ANKRD44: variants seen among roughly 807,000 people sequenced by gnomAD.
ANKRD44 encodes serine/threonine-protein phosphatase 6 regulatory ankyrin repeat subunit B.
ANKRD44 carries 35 observed loss-of-function variants against 116.0 expected under a neutral mutation model. The observed-to-expected ratio is 0.30, with a 90% CI of 0.23 to 0.40. ANKRD44 has a LOEUF of 0.40. Ranked by LOEUF, ANKRD44 falls within the 10% of genes least tolerant of loss-of-function variation. The pLI is 1.00. For synonymous variants in ANKRD44, 435 were observed against 461.8 expected (o/e 0.94, Z 0.74); for missense variants, 1,014 against 1,242.6 (o/e 0.82, Z 2.77).
intron 1 of ANKRD44, among the ~76,000 whole-genome samples, chr2:197,240,930 A>T (rs766898974): frequency 6.6e-6 from 1 of 151,726 alleles, no homozygotes; most frequent in Non-Finnish European, 1.5e-5. Context: ...GCTTTCCCCA[A>T]ATGCATAATC....
intron 4 of ANKRD44, among the ~76,000 whole-genome samples, chr2:197,129,805 C>T (rs1559087662): frequency 6.6e-6 from 1 of 152,190 alleles, no homozygotes; most frequent in Non-Finnish European, 1.5e-5. Flanking sequence ...TTTCTTTACT[C>T]TCAAATGTGC....
chr2:197,293,279 C>CT (rs2083621821), intron 1 of ANKRD44, among the ~76,000 whole-genome samples: 1 of 152,176 alleles, frequency 6.6e-6, no homozygotes, highest in South Asian at 2.1e-4. Context: ...TAATCTACTA[C>CT]TACTGAGTTA....
chr2:197,154,034 G>A (rs2079734659), intron 2 of ANKRD44, among the ~76,000 whole-genome samples: 1 of 152,058 alleles, frequency 6.6e-6, no homozygotes, highest in Non-Finnish European at 1.5e-5. Context: ...CTGGATTAGG[G>A]TACACACACA....
chr2:197,133,547 A>G (rs1252978758), intron 4 of ANKRD44, among the ~76,000 whole-genome samples: 2 of 152,224 alleles, frequency 1.3e-5, no homozygotes, highest in Admixed American at 6.5e-5. Flanking sequence ...GGCTTTGAGG[A>G]CAGACAGTAT....
chr2:197,091,421 C>T (rs1005953773), intron 10 of ANKRD44, among the ~76,000 whole-genome samples: 4 of 152,242 alleles, frequency 2.6e-5, no homozygotes, highest in African/African-American at 9.6e-5. Context: ...AGTGTAATCA[C>T]AGTACACTGC....
chr2:196,976,853 G>A (rs2075764569), intron 21 of ANKRD44, among the ~76,000 whole-genome samples: 1 of 150,962 alleles, frequency 6.6e-6, no homozygotes, highest in African/African-American at 2.4e-5. Context: ...GGACAGCAGA[G>A]TGAGATCTTG....
At chr2:197,179,813 G>A (rs955219382) in intron 2 of ANKRD44, among the ~76,000 whole-genome samples, 4 of 152,194 alleles carry the variant, frequency 2.6e-5, no homozygotes, top group African/African-American at 7.2e-5. Flanking sequence ...TTAAATGGCC[G>A]TGAAGCCACA....
At chr2:197,025,363 T>G in intron 16 of ANKRD44, 96 bp from the exon 17 acceptor site, 1 of 863,700 alleles carries the variant, frequency 1.2e-6, no homozygotes, top group Non-Finnish European at 1.9e-6. Context: ...TGAGAAGTTA[T>G]GCAATTTATC....
chr2:197,233,962 A>G (rs1436703603), intron 1 of ANKRD44, among the ~76,000 whole-genome samples: 2 of 152,254 alleles, frequency 1.3e-5, no homozygotes, highest in Non-Finnish European at 2.9e-5. Flanking sequence ...TTTTGCCTAT[A>G]GTTAACAATA....
chr2:197,091,685 C>A (rs766642912), intron 10 of ANKRD44, among the ~76,000 whole-genome samples: 1 of 152,130 alleles, frequency 6.6e-6, no homozygotes, highest in African/African-American at 2.4e-5. Flanking sequence ...ATTTGATAAA[C>A]AAATATTATT....
At chr2:197,255,002 AAT>A (rs2082411898) in intron 1 of ANKRD44, among the ~76,000 whole-genome samples, 1 of 152,206 alleles carries the variant, frequency 6.6e-6, no homozygotes, top group Admixed American at 6.5e-5. Context: ...GGCCCAAGGC[AAT>A]AGTTAACTGA....
At chr2:197,230,846 C>G (rs1188724073) in intron 1 of ANKRD44, among the ~76,000 whole-genome samples, 1 of 152,046 alleles carries the variant, frequency 6.6e-6, no homozygotes, top group Non-Finnish European at 1.5e-5. Flanking sequence ...ATCCGGTGGA[C>G]AAACCAGCAG....
chr2:197,248,591 T>G (rs891451742), intron 1 of ANKRD44, among the ~76,000 whole-genome samples: 1 of 149,484 alleles, frequency 6.7e-6, no homozygotes, highest in African/African-American at 2.5e-5. Flanking sequence ...TATATATATA[T>G]AAAGAGAGAG....
intron 1 of ANKRD44, among the ~76,000 whole-genome samples, chr2:197,287,320 A>G (rs2083434863): frequency 6.6e-6 from 1 of 152,212 alleles, no homozygotes; most frequent in Admixed American, 6.5e-5. Context: ...CCTCCAACTG[A>G]TTAAAAAAAA....
At chr2:197,026,638 G>T (rs1233715213) in intron 16 of ANKRD44, among the ~76,000 whole-genome samples, 1 of 152,154 alleles carries the variant, frequency 6.6e-6, no homozygotes, top group Non-Finnish European at 1.5e-5. Flanking sequence ...GTAGGCTGTT[G>T]TCAGAATTTT....
chr2:197,214,458 G>A (rs940540360), intron 1 of ANKRD44, among the ~76,000 whole-genome samples: 2 of 152,156 alleles, frequency 1.3e-5, no homozygotes, highest in African/African-American at 4.8e-5. Context: ...CATATACAAT[G>A]AGATAGCAAG....
intron 2 of ANKRD44, among the ~76,000 whole-genome samples, chr2:197,177,682 TA>T (rs1222314565): frequency 1.3e-5 from 2 of 152,082 alleles, no homozygotes; most frequent in East Asian, 3.9e-4. Flanking sequence ...TAATAATACA[TA>T]AAGAAATAAA....
At chr2:197,282,434 G>A (rs2083292427) in intron 1 of ANKRD44, among the ~76,000 whole-genome samples, 1 of 152,040 alleles carries the variant, frequency 6.6e-6, no homozygotes, top group East Asian at 1.9e-4. Context: ...GTGTTTAAGT[G>A]TTTGAAGATG....
At chr2:197,173,753 C>T (rs2080296158) in intron 2 of ANKRD44, among the ~76,000 whole-genome samples, 1 of 152,048 alleles carries the variant, frequency 6.6e-6, no homozygotes, top group South Asian at 2.1e-4. Context: ...AACTTACAGC[C>T]CGGGTGTGGT....
Sources: gnomAD v4.1 joint callset for allele counts (sites outside exome capture counted in the v4.1 genomes callset) on GRCh38, gnomAD v4.1.1 for gene constraint, MANE v1.5 for transcripts, NCBI Gene and HGNC (gene_info 2026-07-23, HGNC 2026-07-21) for gene names.